BRCA2: variants seen among roughly 807,000 people sequenced by gnomAD.
The protein encoded by BRCA2 is breast cancer type 2 susceptibility protein.
Under a neutral mutation model 276.7 loss-of-function variants are expected in BRCA2, and 203 were observed. The observed-to-expected ratio is 0.73, with a 90% CI of 0.65 to 0.82. The LOEUF is 0.82. Among genes scored for constraint, BRCA2 ranks in the 40% least tolerant of loss-of-function variants. The probability of loss-of-function intolerance (pLI) is 0.00; values close to 1 mark genes in which losing one functional copy is unlikely to be tolerated. For synonymous variants in BRCA2, 1,289 were observed against 1,338.4 expected (o/e 0.96, Z 0.81); for missense variants, 3,920 against 3,915.0 (o/e 1.00, Z -0.03).
At chr13:32,382,275 C>A (rs553501875) in intron 24 of BRCA2, among the ~76,000 whole-genome samples, 3 of 152,144 alleles carry the variant, frequency 2.0e-5, no homozygotes, top group Non-Finnish European at 4.4e-5. Flanking sequence ...ACATTTAAAG[C>A]CGTGAGACTG....
chr13:32,320,306 T>C (rs531760766), intron 3 of BRCA2, among the ~76,000 whole-genome samples: 1 of 152,340 alleles, frequency 6.6e-6, no homozygotes, highest in South Asian at 2.1e-4. Flanking sequence ...CCTTTGTCCT[T>C]ATAGCAAAAT....
chr13:32,338,399 T>C lies in BRCA2; in HGVS notation c.4044T>C (p.Cys1348=), dbSNP rs770199777. The C allele has an allele frequency of 6.2e-7, 1 of 1,600,908 alleles. No homozygotes were observed. Among genetic ancestry groups the C allele is most frequent in the Non-Finnish European group, 8.5e-7 (1 of 1,175,772 alleles). Residue 1348 remains cysteine, a synonymous_variant, in exon 11 of 27, where the codon TGT becomes TGC. Coordinates refer to ENST00000380152, the MANE Select transcript of BRCA2 (RefSeq NM_000059.4). Reference sequence around the variant, plus strand: ...ATTCAAGTAAAAATGATACTGTTTGTATTCATAAAGATGAAACGGACTTGC... The same window carrying C: ...ATTCAAGTAAAAATGATACTGTTTGCATTCATAAAGATGAAACGGACTTGC... The part of the protein sequence containing the change: ...GSDSSKNDTV[C]IHKDETDLLF...
At chr13:32,380,688 C>T (rs962117893) in intron 24 of BRCA2, among the ~76,000 whole-genome samples, 3 of 151,858 alleles carry the variant, frequency 2.0e-5, no homozygotes, top group Non-Finnish European at 4.4e-5. Context: ...CTACATATAC[C>T]CGCCACCGAG....
chr13:32,380,370 A>T (rs2072916316), intron 24 of BRCA2, among the ~76,000 whole-genome samples: 1 of 152,074 alleles, frequency 6.6e-6, no homozygotes, highest in Admixed American at 6.6e-5. Flanking sequence ...ACTTAATTTT[A>T]TAGAAATTGT....
intron 24 of BRCA2, among the ~76,000 whole-genome samples, chr13:32,384,000 G>A (rs755494843): frequency 1.3e-5 from 2 of 152,184 alleles, no homozygotes; most frequent in African/African-American, 2.4e-5. Flanking sequence ...GAAATTTCCA[G>A]GAAACATGAC....
intron 2 of BRCA2, among the ~76,000 whole-genome samples, chr13:32,318,208 A>G (rs2072277472): frequency 6.6e-6 from 1 of 152,226 alleles, no homozygotes; most frequent in Non-Finnish European, 1.5e-5. Flanking sequence ...CACTGTTGAT[A>G]CAAATGTCAA....
intron 25 of BRCA2, among the ~76,000 whole-genome samples, chr13:32,396,467 T>G (rs1812845829): frequency 6.6e-6 from 1 of 152,226 alleles, no homozygotes; most frequent in Non-Finnish European, 1.5e-5. Flanking sequence ...TTTCAATTAA[T>G]TCTTGGAACA....
intron 3 of BRCA2, among the ~76,000 whole-genome samples, chr13:32,321,499 A>G (rs1197986308): frequency 6.6e-6 from 1 of 152,218 alleles, no homozygotes; most frequent in Non-Finnish European, 1.5e-5. Flanking sequence ...CCTAAGGTCA[A>G]ATGGTTAATT....
rs754254199 is a variant in BRCA2, at chr13:32,398,566, T to A, written c.10053T>A (p.Ala3351=). Residue 3351 remains alanine, a synonymous_variant, in exon 27 of 27, where the codon GCT becomes GCA. Coordinates refer to ENST00000380152, the MANE Select transcript of BRCA2 (RefSeq NM_000059.4). The part of the protein sequence containing the change: ...DEELALINTQ[A]LLSGSTGEKQ... ...AACTTGCATTGATAAATACCCAAGC[T>A]CTTTTGTCTGGTTCAACAGGAGAAA... 2 of 1,614,056 alleles carry A rather than the reference T, an allele frequency of 1.2e-6. No homozygotes were observed. The highest frequency in any genetic ancestry group is 1.3e-5 in the African/African-American group (1 of 74,928).
rs528504546 is a variant in BRCA2 at position 32,397,009 on chromosome 13, G to C, written c.9613G>C (p.Ala3205Pro). Reference protein sequence around the residue: ...TKDCTSGPYTAQIIPGTGNKL... With the variant: ...TKDCTSGPYTPQIIPGTGNKL... ...AGACTGTACTTCAGGGCCGTACACTGCTCAAATCATTCCTGGTACAGGAAA... is the reference window on the plus strand; with the variant it reads ...AGACTGTACTTCAGGGCCGTACACTCCTCAAATCATTCCTGGTACAGGAAA... Residue 3205 changes from alanine (A) to proline (P), a missense_variant, in exon 26 of 27, where the codon GCT becomes CCT. Ala to Pro is a conservative substitution (Grantham distance 27, BLOSUM62 -1). This residue lies in a region of BRCA2 where 657 missense variants were observed against 758.2 expected (regional missense o/e 0.87). Transcript: ENST00000380152. 2.1e-5 allele frequency: 34 copies of C among 1,614,018 alleles called. No homozygotes were observed. The Middle Eastern group carries it at 5.0e-4, about 24-fold the overall frequency.
intron 7 of BRCA2, among the ~76,000 whole-genome samples, chr13:32,327,695 A>T (rs995148298): frequency 6.6e-6 from 1 of 151,458 alleles, no homozygotes; most frequent in Admixed American, 6.6e-5. Flanking sequence ...AAATCCTGTT[A>T]TAAAACTACT....
At position 32,373,019 on chromosome 13, in the gene BRCA2, G is replaced by A. The variant is rs537659736; in HGVS notation, c.8632+1919G>A. Among the ~76,000 whole-genome samples the A allele has an allele frequency of 1.1e-4, 17 of 151,444 alleles. 1 individual carries two copies. The East Asian group carries it at 2.6e-3, about 23-fold the overall frequency. ...ATCTTTTTTTTTTTTTTGAGACAGG[G>A]TCTTGCTCTGTTGTCCAGGCTAGAG... On this transcript the variant is annotated intron_variant, in intron 20 of 26. Transcript: ENST00000380152.
At position 32,338,791 on chromosome 13, in the gene BRCA2, G is replaced by C. The variant is rs80358678; in HGVS notation, c.4436G>C (p.Ser1479Thr). Residue 1479 changes from serine (S) to threonine (T), a missense_variant, in exon 11 of 27, where the codon AGT becomes ACT. Ser to Thr is a moderately conservative substitution (Grantham distance 58). Coordinates refer to ENST00000380152, the MANE Select transcript of BRCA2 (RefSeq NM_000059.4). ...DIRKNKMDIL[S>T]YEETDIVKHK... ...AGAAAGAACAAAATGGACATTCTAAGTTATGAGGAAACAGACATAGTTAAA... is the reference window on the plus strand; with the variant it reads ...AGAAAGAACAAAATGGACATTCTAACTTATGAGGAAACAGACATAGTTAAA... 1.1e-4 allele frequency: 179 copies of C among 1,613,032 alleles called. No individual in the cohort carries two copies. The highest frequency in any genetic ancestry group is 1.5e-4 in the Non-Finnish European group (177 of 1,179,622).
chr13:32,327,424 G>A (rs2072357964), intron 7 of BRCA2, among the ~76,000 whole-genome samples: 2 of 152,046 alleles, frequency 1.3e-5, no homozygotes, highest in South Asian at 2.1e-4. Context: ...TCCAGCCTGG[G>A]TGACAGGGAG....
chr13:32,329,444 C>T lies in BRCA2; in HGVS notation c.633C>T (p.Val211=), dbSNP rs768731187. 1.1e-5 allele frequency: 17 copies of T among 1,593,990 alleles called. No homozygotes were observed. The highest frequency in any genetic ancestry group is 2.7e-5 in the African/African-American group (2 of 74,498). The change falls in exon 8 of 27, where the codon GTC becomes GTT. Residue 211 remains valine, a splice_region_variant and synonymous_variant. Transcript: ENST00000380152. ...PPTLSSTVLI[V]RNEEASETVF... ...TACACATAAATTTTTATCTTACAGTCAGAAATGAAGAAGCATCTGAAACTG... is the reference window on the plus strand; with the variant it reads ...TACACATAAATTTTTATCTTACAGTTAGAAATGAAGAAGCATCTGAAACTG...
At chr13:32,351,797 T>TTATG (rs2072653291) in intron 13 of BRCA2, among the ~76,000 whole-genome samples, 1 of 151,840 alleles carries the variant, frequency 6.6e-6, no homozygotes, top group Non-Finnish European at 1.5e-5. Context: ...TTATTTTATT[T>TTATG]TATTTATTTA....
At position 32,399,599 on chromosome 13, in the gene BRCA2, A is replaced by ATT; in HGVS notation, c.*838_*839dup. 5.7e-6 allele frequency: 1 copy of ATT among 175,310 alleles called. No individual in the cohort carries two copies. Among genetic ancestry groups the ATT allele is most frequent in the Non-Finnish European group, 1.2e-5 (1 of 81,840 alleles). The allele number at this position is 175,310 out of a possible 1,614,324, so 10.9% of individuals were successfully genotyped here. On this transcript the variant is annotated 3_prime_UTR_variant, in exon 27 of 27. Coordinates refer to ENST00000380152, the MANE Select transcript of BRCA2 (RefSeq NM_000059.4). The stretch of plus-strand genomic sequence containing the variant: ...AATCAGAAGATTTCATAGTTAATTT[A>ATT]TTTTTTTTTTCAACAAAATGGTCAT...
Position 32,340,658 on chromosome 13 carries a change from T to TCC in BRCA2, c.6303_6304insCC (p.Val2102ProfsTer18). ...ACTATTCACCTACGTCTAGACAAAA[T>TCC]GTATCAAAAATACTTCCTCGTGTTG... is the stretch of plus-strand genomic sequence containing the variant. On this transcript the variant is annotated frameshift_variant, in exon 11 of 27. Transcript: ENST00000380152. LOFTEE classifies it high-confidence loss of function. The TCC allele has an allele frequency of 6.2e-7, 1 of 1,606,918 alleles. No individual in the cohort carries two copies. The highest frequency in any genetic ancestry group is 8.5e-7 in the Non-Finnish European group (1 of 1,178,192).
chr13:32,324,553 A>G (rs2072329825), intron 3 of BRCA2, among the ~76,000 whole-genome samples: 1 of 152,208 alleles, frequency 6.6e-6, no homozygotes, highest in African/African-American at 2.4e-5. Flanking sequence ...AGATCTTGAA[A>G]GGTTTTTAGC....
Sources: allele counts gnomAD v4.1 joint callset (sites outside exome capture counted in the v4.1 genomes callset), GRCh38; gene constraint gnomAD v4.1.1; regional missense constraint gnomAD v4.1.1; transcripts MANE v1.5; gene names NCBI Gene and HGNC (gene_info 2026-07-23, HGNC 2026-07-21).